CTNNA2: variants seen among roughly 807,000 people sequenced by gnomAD.
The protein encoded by CTNNA2 is catenin alpha-2.
In CTNNA2, 42 loss-of-function variants were observed where a neutral mutation model predicts 101.0. The observed-to-expected ratio is 0.42, with a 90% CI of 0.32 to 0.54. CTNNA2 has a LOEUF of 0.54. Ranked by LOEUF, CTNNA2 falls within the 20% of genes least tolerant of loss-of-function variation. CTNNA2 has a pLI of 0.14. For missense variants in CTNNA2, 871 were observed against 1,223.1 expected (o/e 0.71, Z 4.29); for synonymous variants, 450 against 456.4 (o/e 0.99, Z 0.18).
At chr2:80,050,148 C>T (rs1175215676) in intron 7 of CTNNA2, among the ~76,000 whole-genome samples, 1 of 152,158 alleles carries the variant, frequency 6.6e-6, no homozygotes, top group Non-Finnish European at 1.5e-5. Context: ...TAAATAGCTA[C>T]ATCAGAGTAT....
intron 7 of CTNNA2, among the ~76,000 whole-genome samples, chr2:79,970,511 G>A (rs193063577): frequency 5.3e-4 from 80 of 152,184 alleles, no homozygotes; most frequent in African/African-American, 1.8e-3. Flanking sequence ...AATAGACCAC[G>A]GTGGCCATTG....
intron 7 of CTNNA2, among the ~76,000 whole-genome samples, chr2:80,161,326 CATTATT>C (rs918008898): frequency 7.9e-5 from 12 of 151,952 alleles, no homozygotes; most frequent in African/African-American, 2.7e-4. Flanking sequence ...CTTAGCTTAT[CATTATT>C]ATTATTATTT....
At chr2:79,366,520 A>C (rs1391745570) in intron 3 of CTNNA2, among the ~76,000 whole-genome samples, 1 of 152,202 alleles carries the variant, frequency 6.6e-6, no homozygotes, top group Non-Finnish European at 1.5e-5. Context: ...TTCCTCAGTG[A>C]AGCAGAGTTT....
At chr2:79,722,568 C>T (rs543452084) in intron 2 of CTNNA2, among the ~76,000 whole-genome samples, 1 of 152,264 alleles carries the variant, frequency 6.6e-6, no homozygotes, top group Admixed American at 6.5e-5. Flanking sequence ...CTTTCCTGAC[C>T]ACCTGTTTAA....
intron 18 of CTNNA2, among the ~76,000 whole-genome samples, chr2:80,619,648 T>G (rs1020034326): frequency 1.3e-4 from 20 of 151,868 alleles, no homozygotes; most frequent in African/African-American, 4.3e-4. Context: ...AGTGGGCCCT[T>G]CTAAAACTGT....
intron 4 of CTNNA2, among the ~76,000 whole-genome samples, chr2:79,477,174 T>C (rs1277897651): frequency 2.0e-5 from 3 of 148,192 alleles, no homozygotes; most frequent in Non-Finnish European, 3.0e-5. Context: ...TTTTCTTTTT[T>C]TTTTTTTTGT....
chr2:79,798,884 A>T (rs571695003), intron 3 of CTNNA2, among the ~76,000 whole-genome samples: 99 of 152,330 alleles, frequency 6.5e-4, no homozygotes, highest in Middle Eastern at 6.8e-3. Flanking sequence ...GTAAGAAAAG[A>T]GCAGACTCTG....
intron 9 of CTNNA2, among the ~76,000 whole-genome samples, chr2:80,472,299 C>CA (rs1685375037): frequency 6.6e-6 from 1 of 152,108 alleles, no homozygotes; most frequent in Non-Finnish European, 1.5e-5. Flanking sequence ...TCACAGACTG[C>CA]ATGTATCTAG....
intron 7 of CTNNA2, among the ~76,000 whole-genome samples, chr2:80,017,250 T>C (rs1694214745): frequency 6.6e-6 from 1 of 152,076 alleles, no homozygotes; most frequent in Non-Finnish European, 1.5e-5. Context: ...TCTAAAATAA[T>C]ACCTGGCACT....
intron 18 of CTNNA2, among the ~76,000 whole-genome samples, chr2:80,643,630 C>A (rs1271819315): frequency 6.6e-6 from 1 of 152,074 alleles, no homozygotes. Flanking sequence ...TGAGGAAGGG[C>A]TGAGAGGTGG....
At chr2:80,099,526 A>G (rs2148837954) in intron 7 of CTNNA2, among the ~76,000 whole-genome samples, 1 of 152,256 alleles carries the variant, frequency 6.6e-6, no homozygotes, top group East Asian at 1.9e-4. Flanking sequence ...TACTTGGGAG[A>G]ACCATGTTAA....
At chr2:79,721,069 TA>T (rs36068084) in intron 2 of CTNNA2, among the ~76,000 whole-genome samples, 27,507 of 147,970 alleles carry the variant, frequency 0.19, 2,657 homozygotes, top group Middle Eastern at 0.25. Context: ...TTTTTTTTTT[TA>T]AATCACATCA....
At chr2:80,285,919 T>G (rs1190973195) in intron 7 of CTNNA2, among the ~76,000 whole-genome samples, 2 of 152,190 alleles carry the variant, frequency 1.3e-5, no homozygotes, top group African/African-American at 4.8e-5. Flanking sequence ...TTATTTTTTC[T>G]TTTCAAAATT....
intron 2 of CTNNA2, among the ~76,000 whole-genome samples, chr2:79,273,035 G>A (rs1332803785): frequency 6.6e-6 from 1 of 151,960 alleles, no homozygotes; most frequent in African/African-American, 2.4e-5. Flanking sequence ...CCATATCAAG[G>A]TACATGGTGT....
chr2:80,257,708 C>T (rs552489455), intron 7 of CTNNA2, among the ~76,000 whole-genome samples: 4 of 152,168 alleles, frequency 2.6e-5, no homozygotes, highest in Non-Finnish European at 5.9e-5. Context: ...TTATTTTCTC[C>T]TCAAGCACTC....
chr2:79,308,164 C>G (rs1176878537), intron 2 of CTNNA2, among the ~76,000 whole-genome samples: 1 of 152,120 alleles, frequency 6.6e-6, no homozygotes, highest in Non-Finnish European at 1.5e-5. Context: ...CCTGCCTCAG[C>G]CTTCTGAGTA....
chr2:80,211,878 C>G (rs2149036794), intron 7 of CTNNA2, among the ~76,000 whole-genome samples: 1 of 140,200 alleles, frequency 7.1e-6, no homozygotes, highest in Non-Finnish European at 1.5e-5. Flanking sequence ...TTGTTTGTGT[C>G]CTCTTTTATT....
At chr2:79,305,981 G>A (rs1676232980) in intron 2 of CTNNA2, among the ~76,000 whole-genome samples, 1 of 148,982 alleles carries the variant, frequency 6.7e-6, no homozygotes, top group Non-Finnish European at 1.5e-5. Flanking sequence ...GGGAGGCAGA[G>A]CTTGCAGTGA....
At chr2:80,462,627 CTTTCTTTTT>C (rs1229926504) in intron 9 of CTNNA2, among the ~76,000 whole-genome samples, 1,172 of 114,262 alleles carry the variant, frequency 0.01, 12 homozygotes, top group African/African-American at 0.038. Context: ...TTCTTTCTTT[CTTTCTTTTT>C]TTTTTTTTTT....
Sources: allele counts gnomAD v4.1 joint callset (sites outside exome capture counted in the v4.1 genomes callset), GRCh38; gene constraint gnomAD v4.1.1; transcripts MANE v1.5; gene names NCBI Gene and HGNC (gene_info 2026-07-23, HGNC 2026-07-21).